ADSS2: variants seen among roughly 807,000 people sequenced by gnomAD.
The protein encoded by ADSS2 is adenylosuccinate synthase 2.
A neutral mutation model predicts 60.0 loss-of-function variants in ADSS2; 30 were observed. That is an observed-to-expected ratio of 0.50 (90% confidence interval 0.37 to 0.68). The LOEUF (loss-of-function observed/expected upper bound fraction) is 0.68, where lower values mean the gene tolerates loss of function less well. Among genes scored for constraint, ADSS2 ranks in the 30% least tolerant of loss-of-function variants. The pLI is 0.00. For synonymous variants in ADSS2, 187 were observed against 193.1 expected, an observed-to-expected ratio of 0.97 and a Z score of 0.26; for missense variants, 373 against 554.8, an observed-to-expected ratio of 0.67 and a Z score of 3.29.
chr1:244,416,100 A>C, intron 10 of ADSS2, 22 bp from the exon 11 acceptor site: 1 of 1,535,390 alleles, frequency 6.5e-7, no homozygotes, highest in Non-Finnish European at 9.0e-7. Flanking sequence ...AGAAAAGGCA[A>C]TGTTAAAAGA....
intron 11 of ADSS2, among the ~76,000 whole-genome samples, chr1:244,413,092 T>A (rs1478975015): frequency 1.3e-5 from 2 of 152,112 alleles, no homozygotes; most frequent in Non-Finnish European, 2.9e-5. Context: ...TGCCAGTAGG[T>A]ACCAAGAGAG....
intron 1 of ADSS2, among the ~76,000 whole-genome samples, chr1:244,446,240 A>C (rs1665381947): frequency 6.6e-6 from 1 of 152,214 alleles, no homozygotes; most frequent in Admixed American, 6.5e-5. Flanking sequence ...CCATTCACCA[A>C]AACTAAAGCA....
intron 4 of ADSS2, among the ~76,000 whole-genome samples, chr1:244,427,554 C>T (rs1664836281): frequency 6.6e-6 from 1 of 152,024 alleles, no homozygotes; most frequent in Admixed American, 6.6e-5. Flanking sequence ...CAAGACCCAC[C>T]TACATTTTGT....
chr1:244,441,221 G>A (rs940733103), intron 1 of ADSS2, among the ~76,000 whole-genome samples: 1 of 152,030 alleles, frequency 6.6e-6, no homozygotes, highest in Non-Finnish European at 1.5e-5. Context: ...GCCATGCCCG[G>A]CTAATTTTTT....
intron 11 of ADSS2, among the ~76,000 whole-genome samples, chr1:244,413,653 A>C (rs1664466457): frequency 6.6e-6 from 1 of 152,168 alleles, no homozygotes; most frequent in Non-Finnish European, 1.5e-5. Flanking sequence ...GGCCCCCCAG[A>C]AGTCCATGTG....
intron 3 of ADSS2, among the ~76,000 whole-genome samples, chr1:244,435,039 G>A (rs543197193): frequency 1.3e-3 from 192 of 151,710 alleles, no homozygotes; most frequent in Non-Finnish European, 2.4e-3. Context: ...ATGGTGGCAC[G>A]TGCCTATCGT....
intron 3 of ADSS2, among the ~76,000 whole-genome samples, chr1:244,436,085 G>C (rs1558277633): frequency 6.6e-6 from 1 of 152,206 alleles, no homozygotes; most frequent in African/African-American, 2.4e-5. Context: ...TGAATAAACT[G>C]TGTGCGTGCC....
intron 1 of ADSS2, among the ~76,000 whole-genome samples, chr1:244,443,989 G>A (rs900431494): frequency 6.6e-6 from 1 of 151,978 alleles, no homozygotes; most frequent in African/African-American, 2.4e-5. Flanking sequence ...AACACCCCAA[G>A]AAACAAAAAA....
At chr1:244,441,183 C>CTG (rs1665234555) in intron 1 of ADSS2, among the ~76,000 whole-genome samples, 1 of 152,052 alleles carries the variant, frequency 6.6e-6, no homozygotes, top group Non-Finnish European at 1.5e-5. Flanking sequence ...CTCAGTCCCC[C>CTG]AAGTAGCTGG....
chr1:244,424,250 T>C (rs1256628316), intron 5 of ADSS2, 71 bp downstream of exon 5: 2 of 1,450,444 alleles, frequency 1.4e-6, no homozygotes, highest in Non-Finnish European at 1.9e-6. Context: ...CTTAAACTTC[T>C]GGTCTAGAAC....
At chr1:244,410,148 T>C (rs1035289223) in intron 12 of ADSS2, among the ~76,000 whole-genome samples, 1 of 152,336 alleles carries the variant, frequency 6.6e-6, no homozygotes, top group South Asian at 2.1e-4. Context: ...TTACAGATTT[T>C]TGTTAGACTC....
At chr1:244,420,549 C>T (rs1664650820) in intron 7 of ADSS2, among the ~76,000 whole-genome samples, 2 of 152,106 alleles carry the variant, frequency 1.3e-5, no homozygotes, top group Admixed American at 1.3e-4. Context: ...CTATATTAAC[C>T]TCACTGCAAA....
At chr1:244,428,372 G>T (rs1664855040) in intron 4 of ADSS2, among the ~76,000 whole-genome samples, 1 of 152,054 alleles carries the variant, frequency 6.6e-6, no homozygotes, top group African/African-American at 2.4e-5. Flanking sequence ...TAGAAATTAT[G>T]TTATTTTGAA....
chr1:244,411,915 T>C lies in ADSS2; in HGVS notation c.1169-479A>G, dbSNP rs543935258. Among the ~76,000 whole-genome samples the C allele has an allele frequency of 1.1e-4, 17 of 152,200 alleles. No individual in the cohort carries two copies. In the East Asian group the frequency reaches 1.2e-3, roughly 10 times the overall value. ...TACGTATTTTCTCTGTATCCCCTAA[T>C]GGAAACTGAACATGTACTAAAGAAA... On this transcript the variant is annotated intron_variant, in intron 11 of 12. Transcript: ENST00000366535.
intron 3 of ADSS2, among the ~76,000 whole-genome samples, chr1:244,435,163 G>A (rs148831109): frequency 0.13 from 10,256 of 79,530 alleles, 735 homozygotes; most frequent in Admixed American, 0.25. Flanking sequence ...GAGAGACTCC[G>A]TCTCCAAAAA....
chr1:244,421,015 T>A (rs959188302), intron 7 of ADSS2, among the ~76,000 whole-genome samples: 2 of 152,132 alleles, frequency 1.3e-5, no homozygotes, highest in African/African-American at 4.8e-5. Context: ...GCATCAGTGA[T>A]TCTCAAAATG....
rs1397120182 is a variant in ADSS2 at position 244,421,038 on chromosome 1, CG to C, written c.664-743del. ...GATTCTCAAAATGTGGTGAGGGCCA[CG>C]AGTTACACTGCCAGGGCCACGAGTT... is the stretch of plus-strand genomic sequence containing the variant. On this transcript the variant is annotated intron_variant, in intron 7 of 12. Coordinates refer to ENST00000366535, the MANE Select transcript of ADSS2 (RefSeq NM_001126.5). Among the ~76,000 whole-genome samples the C allele has an allele frequency of 9.5e-4, 5 of 5,252 alleles. No homozygotes were observed. The East Asian group carries it at 0.01, about 11-fold the overall frequency. 3.4% of individuals were successfully genotyped at this position (5,252 alleles called of 152,430 possible).
chr1:244,422,044 A>G (rs1664687783), intron 7 of ADSS2, among the ~76,000 whole-genome samples: 2 of 152,202 alleles, frequency 1.3e-5, no homozygotes, highest in Non-Finnish European at 2.9e-5. Flanking sequence ...ATTCTACACA[A>G]TAATCAGTGC....
intron 8 of ADSS2, 159 bp from the exon 9 acceptor site, chr1:244,419,073 A>G: frequency 2.9e-6 from 2 of 701,436 alleles, no homozygotes; most frequent in Non-Finnish European, 4.5e-6. Context: ...CTTTTTATTC[A>G]TTTTAGCTGT....
Sources: allele counts gnomAD v4.1 joint callset (sites outside exome capture counted in the v4.1 genomes callset), GRCh38; gene constraint gnomAD v4.1.1; transcripts MANE v1.5; gene names NCBI Gene and HGNC (gene_info 2026-07-23, HGNC 2026-07-21).